Variants in ALDH3B2 observed in about 807,000 individuals in gnomAD.
The protein encoded by ALDH3B2 is aldehyde dehydrogenase family 3 member B2.
A neutral mutation model predicts 36.7 loss-of-function variants in ALDH3B2; 45 were observed. The ratio of observed to expected loss-of-function variants is 1.23; its 90% CI spans 0.97 to 1.57. The LOEUF (loss-of-function observed/expected upper bound fraction) is 1.57. Ranked by LOEUF, ALDH3B2 falls within the 40% of genes most tolerant of loss-of-function variation. ALDH3B2 has a pLI of 0.00. For missense variants in ALDH3B2, 464 were observed against 513.3 expected (o/e 0.90, Z 0.93); for synonymous variants, 217 against 226.5 (o/e 0.96, Z 0.38).
intron 1 of ALDH3B2, among the ~76,000 whole-genome samples, chr11:67,673,120 C>T (rs964436548): frequency 6.6e-6 from 1 of 151,752 alleles, no homozygotes; most frequent in African/African-American, 2.4e-5. Flanking sequence ...TTAGTAGAGA[C>T]GGGGTTTCAC....
intron 1 of ALDH3B2, among the ~76,000 whole-genome samples, chr11:67,670,241 TG>T (rs1856067265): frequency 7.3e-6 from 1 of 137,488 alleles, no homozygotes; most frequent in Non-Finnish European, 1.6e-5. Flanking sequence ...TGTGTATGGG[TG>T]TCTGTGTGTG....
In ALDH3B2 at chr11:67,664,386, G is replaced by T. The variant is rs778408370; in HGVS notation, c.873+10C>A. ...CCCCTCCATTGCCCCCAACCCGGCC[G>T]CACCCCCACCTGGCTGCTGTTGGAG... is the stretch of plus-strand genomic sequence containing the variant. On this transcript the variant is annotated intron_variant, in intron 8 of 9. Transcript: ENST00000349015. The T allele has an allele frequency of 1.2e-6, 2 of 1,613,854 alleles. No homozygotes were observed. Among genetic ancestry groups the T allele is most frequent in the Admixed American group, 3.3e-5 (2 of 60,012 alleles).
chr11:67,663,168 C>T (rs371499897), exon 10 of ALDH3B2: 2 of 1,553,902 alleles, frequency 1.3e-6, no homozygotes, highest in Middle Eastern at 1.7e-4. Context: ...CCCCTCATGG[C>T]TAGACTCAGG....
intron 6 of ALDH3B2, 21 bp downstream of exon 6, chr11:67,666,101 A>G: frequency 1.1e-5 from 17 of 1,589,954 alleles, no homozygotes; most frequent in Non-Finnish European, 1.5e-5. Context: ...CTACTCTGGG[A>G]CCCTGGCCTG....
exon 7 of ALDH3B2, chr11:67,665,359 T>G (rs762520325): frequency 6.2e-7 from 1 of 1,613,610 alleles, no homozygotes; most frequent in African/African-American, 1.3e-5. Context: ...CCGCAGCCGC[T>G]GGAACTGTTT....
At chr11:67,676,941 G>A (rs1055585819), upstream of ALDH3B2, among the ~76,000 whole-genome samples, 14 of 152,024 alleles carry the variant, frequency 9.2e-5, no homozygotes, top group Non-Finnish European at 1.0e-4. Context: ...AACAAGCAGC[G>A]GGATGGAAGT....
At chr11:67,673,505 G>C (rs1162982908) in intron 1 of ALDH3B2, among the ~76,000 whole-genome samples, 1 of 152,252 alleles carries the variant, frequency 6.6e-6, no homozygotes, top group African/African-American at 2.4e-5. Context: ...GAGGGCAGGT[G>C]ATCTGGACAG....
intron 2 of ALDH3B2, 122 bp from the exon 3 acceptor site, chr11:67,667,138 A>G: frequency 1.6e-6 from 1 of 621,142 alleles, no homozygotes; most frequent in Non-Finnish European, 2.9e-6. Flanking sequence ...CTCCTATGGG[A>G]GGCACTGCCG....
chr11:67,675,568 G>A (rs1175285941), upstream of ALDH3B2, among the ~76,000 whole-genome samples: 2 of 152,202 alleles, frequency 1.3e-5, no homozygotes, highest in East Asian at 3.8e-4. Flanking sequence ...AGCCCTGTGG[G>A]CAGGAGGGAC....
chr11:67,681,050 G>A (rs921157241), intron 1 of ALDH3B2: 5 of 152,328 alleles, frequency 3.3e-5, no homozygotes, highest in Non-Finnish European at 5.9e-5. Context: ...GAGCCAATGT[G>A]TGGCACTGTA....
chr11:67,664,103 C>G, intron 8 of ALDH3B2: 1 of 574,336 alleles, frequency 1.7e-6, no homozygotes, highest in Non-Finnish European at 3.1e-6. Flanking sequence ...CTGCTCTGTC[C>G]CTGACCTCCA....
chr11:67,664,193 C>T (rs1288117117), intron 8 of ALDH3B2: 36 of 773,128 alleles, frequency 4.7e-5, no homozygotes, highest in Admixed American at 5.3e-5. Context: ...AGGATGGACC[C>T]GCTAAGTGTC....
At chr11:67,667,398 G>A (rs1454743837) in intron 2 of ALDH3B2, 75 bp downstream of exon 2, 7 of 347,906 alleles carry the variant, frequency 2.0e-5, no homozygotes, top group Admixed American at 4.4e-5. Flanking sequence ...CCAGTCACTA[G>A]GGGGCACGGG....
chr11:67,668,202 C>A (rs551854118), intron 1 of ALDH3B2, among the ~76,000 whole-genome samples: 3 of 152,280 alleles, frequency 2.0e-5, no homozygotes, highest in East Asian at 3.9e-4. Context: ...GGGTTTGGCA[C>A]CTGCTCTGGG....
In ALDH3B2 at chr11:67,666,896, C is replaced by T. The variant is rs978376568; in HGVS notation, c.30+10G>A. 6.2e-7 allele frequency: 1 copy of T among 1,614,098 alleles called. No homozygotes were observed. The highest frequency in any genetic ancestry group is 1.3e-5 in the African/African-American group (1 of 74,952). On this transcript the variant is annotated intron_variant, in intron 3 of 9. Transcript: ENST00000349015. ...GCCCTGCCCTCCTGCCGCCTGCCAG[C>T]AGGGCTCACCAGGTTCGTGGACCGT...
At chr11:67,663,279 T>C in exon 10 of ALDH3B2, 1 of 1,614,034 alleles carries the variant, frequency 6.2e-7, no homozygotes, top group South Asian at 1.1e-5. Flanking sequence ...CCAGTCGGTA[T>C]AGGGTGGGTA....
At position 67,666,415 on chromosome 11, in the gene ALDH3B2, T is replaced by C; in HGVS notation, c.152-14A>G. 27 of 1,608,456 alleles carry C rather than the reference T, an allele frequency of 1.7e-5. No homozygotes were observed. Among genetic ancestry groups the C allele is most frequent in the Non-Finnish European group, 2.2e-5 (26 of 1,177,486 alleles). On this transcript the variant is annotated splice_polypyrimidine_tract_variant and intron_variant, in intron 4 of 9. Coordinates refer to ENST00000349015, the Ensembl canonical transcript of ALDH3B2. ...CCACGCAACTCCCTGCAGGGGCAGA[T>C]GGGGACGTCGTTGGGGGAGCCCAGG...
chr11:67,662,309 G>GT (rs1340679647), exon 10 of ALDH3B2: 1 of 152,246 alleles, frequency 6.6e-6, no homozygotes, highest in East Asian at 1.9e-4. Context: ...TTTAAACAAG[G>GT]TTTGTAAGTC....
chr11:67,677,425 A>G (rs559831215), upstream of ALDH3B2, among the ~76,000 whole-genome samples: 18 of 152,332 alleles, frequency 1.2e-4, no homozygotes, highest in South Asian at 3.5e-3. Context: ...TAAAACCCTC[A>G]GCAAAATCAG....
Sources: gnomAD v4.1 joint callset for allele counts (sites outside exome capture counted in the v4.1 genomes callset) on GRCh38, gnomAD v4.1.1 for gene constraint, MANE v1.5 for transcripts, NCBI Gene and HGNC (gene_info 2026-07-23, HGNC 2026-07-21) for gene names.